The following HEMK1 variants were observed in gnomAD, a reference collection of about 807,000 sequenced individuals.
HEMK1 encodes HemK methyltransferase 1, mitochondrial release factors N(5)-glutamine.
Under a neutral mutation model 47.9 loss-of-function variants are expected in HEMK1, and 36 were observed. The observed-to-expected ratio is 0.75, with a 90% confidence interval of 0.58 to 0.99. The LOEUF is 0.99. Ranked by LOEUF, HEMK1 falls within the 50% of genes least tolerant of loss-of-function variation. The pLI is 0.00. For missense variants in HEMK1, 383 were observed against 434.5 expected, an observed-to-expected ratio of 0.88 and a Z score of 1.05; for synonymous variants, 153 against 165.4, an observed-to-expected ratio of 0.93 and a Z score of 0.57.
At chr3:50,574,951 TG>T (rs2107446724) in intron 4 of HEMK1, among the ~76,000 whole-genome samples, 1 of 152,216 alleles carries the variant, frequency 6.6e-6, no homozygotes, top group Admixed American at 6.5e-5. Context: ...TTTGGGGGCC[TG>T]GAAGGGTGAG....
chr3:50,592,484 C>G lies in HEMK1; in HGVS notation c.*12067C>G, dbSNP rs1022563112. On this transcript the variant is annotated 3_prime_UTR_variant, in exon 11 of 11. Coordinates refer to ENST00000232854, the MANE Select transcript of HEMK1 (RefSeq NM_016173.5). ...AAAATTCAGCCTTCCAAATTTTACTCAAATGCTTCTACTTTCTCTGACCCT... is the reference window on the plus strand; with the variant it reads ...AAAATTCAGCCTTCCAAATTTTACTGAAATGCTTCTACTTTCTCTGACCCT... 1.3e-5 allele frequency: 2 copies of G among 152,284 alleles called. No homozygotes were observed. Among genetic ancestry groups the G allele is most frequent in the African/African-American group, 4.8e-5 (2 of 41,460 alleles). The allele number at this position is 152,284 out of a possible 1,614,324, so 9.4% of individuals were successfully genotyped here. A position where few individuals can be genotyped will look rare whatever the true frequency, so the allele number is the denominator to read the frequency against.
At chr3:50,570,404 G>A (rs1700809402) in intron 1 of HEMK1, 2 of 152,230 alleles carry the variant, frequency 1.3e-5, no homozygotes, top group Admixed American at 6.5e-5. Flanking sequence ...TTTTCAGCAT[G>A]TACATCCATG....
In HEMK1 at chr3:50,587,707, C is replaced by G. The variant is rs2031480095; in HGVS notation, c.*7290C>G. Reference sequence around the variant, plus strand: ...GGGTGAGGTGGTGCCGAGAGGTCCCCTTGGCTGAGCTCTGAATGCATTTCT... The same window carrying G: ...GGGTGAGGTGGTGCCGAGAGGTCCCGTTGGCTGAGCTCTGAATGCATTTCT... On this transcript the variant is annotated 3_prime_UTR_variant, in exon 11 of 11. Transcript: ENST00000232854. The surrounding 1 kb of genome is among the most constrained non-coding windows in gnomAD (Gnocchi z 4.2). 1 of 152,230 alleles carries G rather than the reference C, an allele frequency of 6.6e-6. No homozygotes were observed. The highest frequency in any genetic ancestry group is 2.4e-5 in the African/African-American group (1 of 41,430). The allele number at this position is 152,230 out of a possible 1,614,324, so 9.4% of individuals were successfully genotyped here.
At chr3:50,578,102 G>T (rs1243334713) in intron 7 of HEMK1, among the ~76,000 whole-genome samples, 1 of 152,170 alleles carries the variant, frequency 6.6e-6, no homozygotes, top group Non-Finnish European at 1.5e-5. Flanking sequence ...GACCCATAAG[G>T]GACCAGCCAC....
chr3:50,594,584 A>G lies in HEMK1; in HGVS notation c.*14167A>G, dbSNP rs2031873815. ...CTCAAGTTCCCACAGAGTAGTTGCA[A>G]TGGTGAGCTGAGGTTTTCTCTGCTG... On this transcript the variant is annotated 3_prime_UTR_variant, in exon 11 of 11. Transcript: ENST00000232854. The G allele has an allele frequency of 6.6e-6, 1 of 152,344 alleles. No homozygotes were observed. The highest frequency in any genetic ancestry group is 2.4e-5 in the African/African-American group (1 of 41,466). The allele number at this position is 152,344 out of a possible 1,614,324, so 9.4% of individuals were successfully genotyped here.
Position 50,585,841 on chromosome 3 carries a change from C to G in HEMK1, c.*5424C>G, listed in dbSNP as rs538723559. 2 of 152,350 alleles carry G rather than the reference C, an allele frequency of 1.3e-5. No homozygotes were observed. The highest frequency in any genetic ancestry group is 1.3e-4 in the Admixed American group (2 of 15,304). The allele number at this position is 152,350 out of a possible 1,614,324, so 9.4% of individuals were successfully genotyped here. On this transcript the variant is annotated 3_prime_UTR_variant, in exon 11 of 11. Transcript: ENST00000232854. Reference sequence around the variant, plus strand: ...ATGGGGCTTACTTGAAGTAACACAGCACTTGACTCCTGACTCCCAGTATGA... The same window carrying G: ...ATGGGGCTTACTTGAAGTAACACAGGACTTGACTCCTGACTCCCAGTATGA...
chr3:50,571,192 CA>C lies in HEMK1; in HGVS notation c.90del (p.Gln30HisfsTer13). ...CCGGGGCTGGGCCTTCAGCTCATGG[CA>C]ACCCCAACCACCTCTGGCTGGGTTA... is the stretch of plus-strand genomic sequence containing the variant. ...STRGWAFSSW[Q>X]PQPPLAGLSS... On this transcript the variant is annotated frameshift_variant, in exon 2 of 11. Coordinates refer to ENST00000232854, the MANE Select transcript of HEMK1 (RefSeq NM_016173.5). LOFTEE classifies it high-confidence loss of function. 3 of 1,613,774 alleles carry C rather than the reference CA, an allele frequency of 1.9e-6. No homozygotes were observed. In the South Asian group the frequency reaches 3.3e-5, roughly 18 times the overall value.
chr3:50,579,998 G>A (rs2030534118), intron 9 of HEMK1, 59 bp downstream of exon 9: 1 of 1,538,428 alleles, frequency 6.5e-7, no homozygotes, highest in Non-Finnish European at 9.0e-7. Flanking sequence ...CTCCTAATGT[G>A]TACTGGGCAG....
Position 50,583,846 on chromosome 3 carries a change from CACCTTCTGT to C in HEMK1, c.*3433_*3441del, listed in dbSNP as rs1337052455. 6.6e-6 allele frequency: 1 copy of C among 152,414 alleles called. No individual in the cohort carries two copies. The highest frequency in any genetic ancestry group is 1.5e-5 in the Non-Finnish European group (1 of 68,140). The allele number at this position is 152,414 out of a possible 1,614,324, so 9.4% of individuals were successfully genotyped here. A position where few individuals can be genotyped will look rare whatever the true frequency, so the allele number is the denominator to read the frequency against. The stretch of plus-strand genomic sequence containing the variant: ...CTCCCCTAGCCCATACCTCTGCTGG[CACCTTCTGT>C]ACCATGCCTTCAGAAACCTTCTTAT... On this transcript the variant is annotated 3_prime_UTR_variant, in exon 11 of 11. Transcript: ENST00000232854.
rs968439864 is a variant in HEMK1 at position 50,585,637 on chromosome 3, T to G, written c.*5220T>G. 2 of 152,210 alleles carry G rather than the reference T, an allele frequency of 1.3e-5. No homozygotes were observed. The highest frequency in any genetic ancestry group is 2.9e-5 in the Non-Finnish European group (2 of 68,056). 9.4% of individuals were successfully genotyped at this position (152,210 alleles called of 1,614,324 possible). ...GGGAGGCCAGACATGGGCCTCATGCTGGGTTTCAGAGCTGAGAAGCTGGGG... is the reference window on the plus strand; with the variant it reads ...GGGAGGCCAGACATGGGCCTCATGCGGGGTTTCAGAGCTGAGAAGCTGGGG... On this transcript the variant is annotated 3_prime_UTR_variant, in exon 11 of 11. Coordinates refer to ENST00000232854, the MANE Select transcript of HEMK1 (RefSeq NM_016173.5).
rs1157097917 is a variant in HEMK1 at position 50,595,381 on chromosome 3, T to A, written c.*14964T>A. 1 of 152,180 alleles carries A rather than the reference T, an allele frequency of 6.6e-6. No homozygotes were observed. The highest frequency in any genetic ancestry group is 1.5e-5 in the Non-Finnish European group (1 of 68,038). 9.4% of individuals were successfully genotyped at this position (152,180 alleles called of 1,614,324 possible). On this transcript the variant is annotated 3_prime_UTR_variant, in exon 11 of 11. Transcript: ENST00000232854. ...GAACCGCAGTTCCTACAGAGTGATG[T>A]GATGATGGCCCGGTGATGCCTGCAT...
In HEMK1 at chr3:50,578,941, G is replaced by C; in HGVS notation, c.770+15G>C. On this transcript the variant is annotated intron_variant, in intron 8 of 10. Transcript: ENST00000232854. ...GAGATCCGCAGGTGCTAAGCAGGGT[G>C]GGCCAGGGAGGCCAGGCCTGAAAAG... 6.3e-7 allele frequency: 1 copy of C among 1,592,736 alleles called. No individual in the cohort carries two copies. Among genetic ancestry groups the C allele is most frequent in the Admixed American group, 1.7e-5 (1 of 58,366 alleles).
rs1212743133 is a variant in HEMK1, at chr3:50,588,962, C to A, written c.*8545C>A. On this transcript the variant is annotated 3_prime_UTR_variant, in exon 11 of 11. Coordinates refer to ENST00000232854, the MANE Select transcript of HEMK1 (RefSeq NM_016173.5). ...GCCCGCCTGTCTCAGCCCCCCAGAA[C>A]TTTGGAGCTCATTCTTTCAAAGTAC... 1.3e-5 allele frequency: 2 copies of A among 152,244 alleles called. No homozygotes were observed. The highest frequency in any genetic ancestry group is 6.5e-5 in the Admixed American group (1 of 15,286). 9.4% of individuals were successfully genotyped at this position (152,244 alleles called of 1,614,324 possible).
Position 50,588,988 on chromosome 3 carries a change from A to G in HEMK1, c.*8571A>G, listed in dbSNP as rs2031571746. The G allele has an allele frequency of 2.0e-5, 3 of 152,246 alleles. No homozygotes were observed. Among genetic ancestry groups the G allele is most frequent in the African/African-American group, 7.2e-5 (3 of 41,466 alleles). 9.4% of individuals were successfully genotyped at this position (152,246 alleles called of 1,614,324 possible). ...TTTGGAGCTCATTCTTTCAAAGTAC[A>G]TTTCATGTGCAACTGAAATACATAT... On this transcript the variant is annotated 3_prime_UTR_variant, in exon 11 of 11. Transcript: ENST00000232854.
At chr3:50,577,439 C>T in intron 5 of HEMK1, 70 bp from the exon 6 acceptor site, 3 of 1,486,876 alleles carry the variant, frequency 2.0e-6, no homozygotes, top group Non-Finnish European at 2.8e-6. Context: ...AGGAGGGTCC[C>T]CCAGGCCCAG....
At chr3:50,571,466 C>T (rs1700949678) in intron 2 of HEMK1, 134 bp downstream of exon 2, 5 of 696,468 alleles carry the variant, frequency 7.2e-6, no homozygotes, top group Non-Finnish European at 9.8e-6. Flanking sequence ...GTCTTAGCGC[C>T]TGGCACACAC....
Position 50,591,679 on chromosome 3 carries a change from T to TGTGTGTGTGTGTGTGTGTGG in HEMK1, c.*11280_*11281insGGGTGTGTGTGTGTGTGTGT, listed in dbSNP as rs2031729858. 1 of 152,358 alleles carries TGTGTGTGTGTGTGTGTGTGG rather than the reference T, an allele frequency of 6.6e-6. No homozygotes were observed. The highest frequency in any genetic ancestry group is 1.5e-5 in the Non-Finnish European group (1 of 68,606). 9.4% of individuals were successfully genotyped at this position (152,358 alleles called of 1,614,324 possible). Reference sequence around the variant, plus strand: ...ATGCATGCACGTGTGTGTGTGTGTGTGTGTGTGTGTGTGTGTGTTTGTGTG... The same window carrying TGTGTGTGTGTGTGTGTGTGG: ...ATGCATGCACGTGTGTGTGTGTGTGTGTGTGTGTGTGTGTGTGTGGGTGTGTGTGTGTGTGTGTTTGTGTG... On this transcript the variant is annotated 3_prime_UTR_variant, in exon 11 of 11. Coordinates refer to ENST00000232854, the MANE Select transcript of HEMK1 (RefSeq NM_016173.5).
In HEMK1 at chr3:50,582,287, G is replaced by A. The variant is rs886122506; in HGVS notation, c.*1870G>A. On this transcript the variant is annotated 3_prime_UTR_variant, in exon 11 of 11. Coordinates refer to ENST00000232854, the MANE Select transcript of HEMK1 (RefSeq NM_016173.5). ...GCAGCTGGGGCCACAAGCAGGAGCC[G>A]GCCTCGGGCACAACTTTCTGCCCAG... The A allele has an allele frequency of 2.0e-5, 3 of 152,200 alleles. No individual in the cohort carries two copies. Among genetic ancestry groups the A allele is most frequent in the East Asian group, 1.9e-4 (1 of 5,176 alleles). The allele number at this position is 152,200 out of a possible 1,614,324, so 9.4% of individuals were successfully genotyped here.
At position 50,571,784 on chromosome 3, in the gene HEMK1, T is replaced by G; in HGVS notation, c.303T>G (p.Ser101Arg). Residue 101 changes from serine (S) to arginine (R), a missense_variant, in exon 3 of 11, where the codon AGT (serine) becomes AGG (arginine). By Grantham distance (110) the Ser-to-Arg change is moderately radical. Transcript: ENST00000232854. ...SQQLQCIREL[S>R]SRRLQRMPVQ... is the part of the protein sequence containing the mutation. Reference sequence around the variant, plus strand: ...AACTACAGTGTATCCGGGAGCTGAGTAGCCGTCGATTGCAGAGGTGAGCAC... The same window carrying G: ...AACTACAGTGTATCCGGGAGCTGAGGAGCCGTCGATTGCAGAGGTGAGCAC... 1 of 1,613,962 alleles carries G rather than the reference T, an allele frequency of 6.2e-7. No individual in the cohort carries two copies. The highest frequency in any genetic ancestry group is 1.1e-5 in the South Asian group (1 of 91,074).
Sources: gnomAD v4.1 joint callset for allele counts (sites outside exome capture counted in the v4.1 genomes callset) on GRCh38, gnomAD v4.1.1 for gene constraint, Gnocchi (gnomAD v3.1) non-coding constraint, MANE v1.5 for transcripts, NCBI Gene and HGNC (gene_info 2026-07-23, HGNC 2026-07-21) for gene names.